HACE1: variants seen among roughly 807,000 people sequenced by gnomAD.
The protein encoded by HACE1 is HECT domain and ankyrin repeat containing E3 ubiquitin protein ligase 1.
A neutral mutation model predicts 118.4 loss-of-function variants in HACE1; 73 were observed. That is an observed-to-expected ratio of 0.62 (90% CI 0.51 to 0.75). The LOEUF is 0.75. Ranked by LOEUF, HACE1 falls within the 30% of genes least tolerant of loss-of-function variation. The probability of loss-of-function intolerance (pLI) is 0.00; values close to 1 mark genes in which losing one functional copy is unlikely to be tolerated. For synonymous variants in HACE1, 368 were observed against 374.8 expected, an observed-to-expected ratio of 0.98 and a Z score of 0.21; for missense variants, 749 against 1,102.2, an observed-to-expected ratio of 0.68 and a Z score of 4.54.
Position 104,833,177 on chromosome 6 carries a change from T to G in HACE1, c.403-4A>C. 2 of 1,612,820 alleles carry G rather than the reference T, an allele frequency of 1.2e-6. No individual in the cohort carries two copies. Among genetic ancestry groups the G allele is most frequent in the Non-Finnish European group, 1.7e-6 (2 of 1,178,844 alleles). On this transcript the variant is annotated splice_region_variant and splice_polypyrimidine_tract_variant and intron_variant, in intron 5 of 23. Coordinates refer to ENST00000262903, the MANE Select transcript of HACE1 (RefSeq NM_020771.4). Reference sequence around the variant, plus strand: ...CATTCACAGCCAGCCAATGTATCTGTGAAGCCATTTAGTTACTTAACATTT... The same window carrying G: ...CATTCACAGCCAGCCAATGTATCTGGGAAGCCATTTAGTTACTTAACATTT...
intron 19 of HACE1, among the ~76,000 whole-genome samples, chr6:104,757,084 C>G (rs913168759): frequency 6.6e-6 from 1 of 152,188 alleles, no homozygotes; most frequent in Admixed American, 6.5e-5. Context: ...GCGGTGGCCA[C>G]TGGAGCTCAG....
At chr6:104,780,118 T>C (rs1781575437) in intron 14 of HACE1, among the ~76,000 whole-genome samples, 1 of 152,168 alleles carries the variant, frequency 6.6e-6, no homozygotes, top group Non-Finnish European at 1.5e-5. Flanking sequence ...AAAATTATTG[T>C]CAATAACTAT....
At chr6:104,743,228 G>T (rs1177511887) in intron 22 of HACE1, among the ~76,000 whole-genome samples, 8 of 150,360 alleles carry the variant, frequency 5.3e-5, no homozygotes, top group Admixed American at 2.0e-4. Flanking sequence ...CGAGTTAGTG[G>T]GTGCAGCGCA....
At chr6:104,730,246 C>T in intron 23 of HACE1, 57 bp downstream of exon 23, 2 of 866,566 alleles carry the variant, frequency 2.3e-6, no homozygotes, top group Non-Finnish European at 4.0e-6. Flanking sequence ...GATCTCTGAT[C>T]ATTCAAAATT....
chr6:104,800,458 T>C (rs1024501990), intron 7 of HACE1, among the ~76,000 whole-genome samples: 3 of 152,108 alleles, frequency 2.0e-5, no homozygotes, highest in Admixed American at 6.5e-5. Flanking sequence ...AGACACCTCC[T>C]AGTAGGGGCA....
chr6:104,758,844 T>C (rs926867773), intron 19 of HACE1, among the ~76,000 whole-genome samples: 2 of 149,458 alleles, frequency 1.3e-5, no homozygotes, highest in South Asian at 2.1e-4. Flanking sequence ...CATAAAGGGA[T>C]AGAGGAAGAT....
In HACE1 at chr6:104,728,114, T is replaced by G. The variant is rs936372465; in HGVS notation, c.*1548A>C. 9 of 152,156 alleles carry G rather than the reference T, an allele frequency of 5.9e-5. No homozygotes were observed. Among genetic ancestry groups the G allele is most frequent in the African/African-American group, 2.2e-4 (9 of 41,450 alleles). 9.4% of individuals were successfully genotyped at this position (152,156 alleles called of 1,614,324 possible). A position where few individuals can be genotyped will look rare whatever the true frequency, so the allele number is the denominator to read the frequency against. ...CACACTCAGTTATTTAATATTTTAT[T>G]ATCTATCTCTTTTACATAACTACTT... On this transcript the variant is annotated 3_prime_UTR_variant, in exon 24 of 24. Coordinates refer to ENST00000262903, the MANE Select transcript of HACE1 (RefSeq NM_020771.4).
intron 6 of HACE1, among the ~76,000 whole-genome samples, chr6:104,823,745 T>C (rs1156286131): frequency 7.2e-5 from 11 of 151,848 alleles, no homozygotes; most frequent in Non-Finnish European, 2.9e-5. Context: ...CAAAGTCATC[T>C]ATCTTTGTGA....
At chr6:104,837,578 G>A (rs1433637516) in intron 5 of HACE1, among the ~76,000 whole-genome samples, 1 of 152,172 alleles carries the variant, frequency 6.6e-6, no homozygotes, top group African/African-American at 2.4e-5. Context: ...AGGAGTGAGT[G>A]CTAGGCAAAG....
intron 14 of HACE1, among the ~76,000 whole-genome samples, chr6:104,778,515 C>G (rs1380793290): frequency 6.6e-6 from 1 of 151,924 alleles, no homozygotes; most frequent in Non-Finnish European, 1.5e-5. Flanking sequence ...AGAGAAGAGG[C>G]TGGGTATGGT....
intron 20 of HACE1, among the ~76,000 whole-genome samples, chr6:104,745,551 C>T (rs759510771): frequency 1.4e-4 from 21 of 151,100 alleles, no homozygotes; most frequent in Non-Finnish European, 2.5e-4. Flanking sequence ...CGCCATTCTC[C>T]CACCTCAGCC....
At chr6:104,748,197 T>TACA (rs1019412027) in intron 20 of HACE1, among the ~76,000 whole-genome samples, 4 of 151,380 alleles carry the variant, frequency 2.6e-5, no homozygotes, top group Non-Finnish European at 5.9e-5. Flanking sequence ...ATATATCTGA[T>TACA]AAAAGACTCT....
Position 104,798,450 on chromosome 6 carries a change from C to A in HACE1, c.618-1425G>T, listed in dbSNP as rs192516783. On this transcript the variant is annotated intron_variant, in intron 7 of 23. Coordinates refer to ENST00000262903, the MANE Select transcript of HACE1 (RefSeq NM_020771.4). Reference sequence around the variant, plus strand: ...ACGAATCTAGTGCCAGAAAACTCTGCAACGTTATTATAGGTCTATCACTCT... The same window carrying A: ...ACGAATCTAGTGCCAGAAAACTCTGAAACGTTATTATAGGTCTATCACTCT... Among the ~76,000 whole-genome samples the A allele has an allele frequency of 5.9e-5, 9 of 152,210 alleles. No individual in the cohort carries two copies. The East Asian group carries it at 1.7e-3, about 29-fold the overall frequency.
chr6:104,744,339 G>A (rs1345766267), intron 21 of HACE1, 109 bp from the exon 22 acceptor site: 7 of 873,662 alleles, frequency 8.0e-6, no homozygotes, highest in African/African-American at 3.3e-5. Flanking sequence ...TACAAAACTC[G>A]TTTACCAAAA....
chr6:104,749,128 T>C (rs780237607), intron 20 of HACE1, among the ~76,000 whole-genome samples: 1 of 152,200 alleles, frequency 6.6e-6, no homozygotes, highest in Admixed American at 6.5e-5. Flanking sequence ...GTTTTTTACA[T>C]ACATATAGGT....
At chr6:104,843,398 G>GTTTTAA in intron 4 of HACE1, 100 bp from the exon 5 acceptor site, 1 of 746,988 alleles carries the variant, frequency 1.3e-6, no homozygotes. Flanking sequence ...AACAGCTGAT[G>GTTTTAA]ACATCATAAC....
At chr6:104,760,519 A>G (rs965510686) in intron 19 of HACE1, among the ~76,000 whole-genome samples, 1 of 152,238 alleles carries the variant, frequency 6.6e-6, no homozygotes, top group Non-Finnish European at 1.5e-5. Flanking sequence ...AACTCTCAGT[A>G]AACTAGGAAT....
intron 7 of HACE1, among the ~76,000 whole-genome samples, chr6:104,803,518 G>A (rs571301760): frequency 3.3e-5 from 5 of 152,082 alleles, no homozygotes; most frequent in South Asian, 2.1e-4. Flanking sequence ...TATCCACCAC[G>A]ATCAAGTCGG....
chr6:104,785,236 T>C lies in HACE1; in HGVS notation c.1158A>G (p.Thr386=). The C allele has an allele frequency of 6.2e-7, 1 of 1,612,116 alleles. No individual in the cohort carries two copies. The highest frequency in any genetic ancestry group is 8.5e-7 in the Non-Finnish European group (1 of 1,178,170). ...GTTTCAGTAAAATAGAAGTGATCTC[T>C]GTTGAGTCTCTTTTGTTTTTCATCA... The part of the protein sequence containing the change: ...TELMKNKRDS[T]EITSILLKQK... The change falls in exon 12 of 24, where the codon ACA becomes ACG. Residue 386 remains threonine, a synonymous_variant. Transcript: ENST00000262903.
Sources: allele counts gnomAD v4.1 joint callset (sites outside exome capture counted in the v4.1 genomes callset), GRCh38; gene constraint gnomAD v4.1.1; transcripts MANE v1.5; gene names NCBI Gene and HGNC (gene_info 2026-07-23, HGNC 2026-07-21).